Variants in CHSY3 observed in about 807,000 individuals in gnomAD.
The protein encoded by CHSY3 is chondroitin sulfate synthase 3, also known as N-acetylgalactosaminyl-proteoglycan 3-beta-glucuronosyltransferase 3.
In CHSY3, 35 loss-of-function variants were observed where a neutral mutation model predicts 67.2. The ratio of observed to expected loss-of-function variants is 0.52; its 90% CI spans 0.40 to 0.69. The LOEUF (loss-of-function observed/expected upper bound fraction) is 0.69, where lower values mean the gene tolerates loss of function less well. CHSY3 is among the 30% of genes least tolerant of loss of function. The pLI is 0.00. For synonymous variants in CHSY3, 474 were observed against 434.7 expected (o/e 1.09, Z -1.12); for missense variants, 1,069 against 1,138.5 (o/e 0.94, Z 0.88).
intron 2 of CHSY3, among the ~76,000 whole-genome samples, chr5:130,160,641 C>G (rs1769503628): frequency 6.6e-6 from 1 of 152,132 alleles, no homozygotes; most frequent in African/African-American, 2.4e-5. Context: ...GTCTTTCTCC[C>G]CAATTAAATG....
chr5:129,968,674 T>G (rs1361382496), intron 2 of CHSY3, among the ~76,000 whole-genome samples: 1 of 151,808 alleles, frequency 6.6e-6, no homozygotes, highest in Non-Finnish European at 1.5e-5. Context: ...CAGAAGCAAA[T>G]GGGAACCAAC....
chr5:130,176,837 G>A (rs1484510004), intron 2 of CHSY3, among the ~76,000 whole-genome samples: 2 of 152,114 alleles, frequency 1.3e-5, no homozygotes. Context: ...ACCAGGGCCT[G>A]TTGAGGAGTG....
At chr5:130,036,125 T>A (rs1469426875) in intron 2 of CHSY3, among the ~76,000 whole-genome samples, 1 of 152,060 alleles carries the variant, frequency 6.6e-6, no homozygotes, top group East Asian at 1.9e-4. Context: ...AGCACTCTAG[T>A]GTAACATGAC....
At chr5:130,112,710 T>C (rs1206316280) in intron 2 of CHSY3, among the ~76,000 whole-genome samples, 1 of 152,134 alleles carries the variant, frequency 6.6e-6, no homozygotes, top group Non-Finnish European at 1.5e-5. Context: ...CTTAAGTTGA[T>C]GAATCTGTGT....
At chr5:129,952,693 C>G (rs1762056789) in intron 2 of CHSY3, among the ~76,000 whole-genome samples, 1 of 152,086 alleles carries the variant, frequency 6.6e-6, no homozygotes, top group South Asian at 2.1e-4. Context: ...TATTAGATGT[C>G]TTTTGCATCC....
Position 130,065,888 on chromosome 5 carries a change from C to A in CHSY3, c.1087-118341C>A, listed in dbSNP as rs76009935. 6.6e-5 allele frequency among the ~76,000 whole-genome samples: 10 copies of A among 152,214 alleles called. No individual in the cohort carries two copies. The East Asian group carries it at 1.7e-3, about 27-fold the overall frequency. ...CCCTGTCGTATTGGTTCAGGGCCTA[C>A]AAGTTTTTAAATTCTGAACAATGTC... On this transcript the variant is annotated intron_variant, in intron 2 of 2. Transcript: ENST00000305031.
chr5:130,182,419 A>T (rs976342434), intron 2 of CHSY3, among the ~76,000 whole-genome samples: 3 of 151,328 alleles, frequency 2.0e-5, no homozygotes, highest in African/African-American at 7.3e-5. Flanking sequence ...AATCTATTGA[A>T]TTTTTTTTCT....
chr5:130,152,170 A>C (rs865898436), intron 2 of CHSY3, among the ~76,000 whole-genome samples: 1 of 152,214 alleles, frequency 6.6e-6, no homozygotes, highest in Non-Finnish European at 1.5e-5. Flanking sequence ...CTTCACATGA[A>C]AGTTTAAAAG....
At chr5:130,183,882 T>TA (rs1370156217) in intron 2 of CHSY3, among the ~76,000 whole-genome samples, 13 of 151,820 alleles carry the variant, frequency 8.6e-5, no homozygotes, top group East Asian at 1.9e-4. Context: ...TTTAAAATGC[T>TA]AAAAAAAGAT....
At chr5:130,169,586 C>G (rs1199561103) in intron 2 of CHSY3, among the ~76,000 whole-genome samples, 1 of 151,734 alleles carries the variant, frequency 6.6e-6, no homozygotes, top group Non-Finnish European at 1.5e-5. Context: ...TTTTAATGCT[C>G]TCTAACATTA....
intron 2 of CHSY3, among the ~76,000 whole-genome samples, chr5:130,018,122 T>C (rs1243134074): frequency 6.6e-6 from 1 of 152,196 alleles, no homozygotes; most frequent in African/African-American, 2.4e-5. Flanking sequence ...CTATTTTGTT[T>C]TTCTCTTTAA....
intron 2 of CHSY3, among the ~76,000 whole-genome samples, chr5:130,139,560 G>T (rs575708072): frequency 6.6e-6 from 1 of 152,324 alleles, no homozygotes; most frequent in South Asian, 2.1e-4. Flanking sequence ...TTAAGTTAAA[G>T]TTCTTTTCTT....
chr5:129,973,676 G>T (rs1169911162), intron 2 of CHSY3, among the ~76,000 whole-genome samples: 2 of 151,974 alleles, frequency 1.3e-5, no homozygotes, highest in African/African-American at 2.4e-5. Context: ...TTGATTAAAG[G>T]CCTCATTACC....
At chr5:130,134,865 CAT>C (rs1475332246) in intron 2 of CHSY3, among the ~76,000 whole-genome samples, 2 of 146,816 alleles carry the variant, frequency 1.4e-5, no homozygotes, top group Admixed American at 7.0e-5. Flanking sequence ...TTTTATGCTT[CAT>C]ATGTCTAAAA....
At chr5:130,019,984 G>A (rs1764319355) in intron 2 of CHSY3, among the ~76,000 whole-genome samples, 2 of 152,106 alleles carry the variant, frequency 1.3e-5, no homozygotes, top group Non-Finnish European at 2.9e-5. Flanking sequence ...GCCCCAATTA[G>A]CTTTGTACTG....
At chr5:130,063,973 A>G (rs1259309675) in intron 2 of CHSY3, among the ~76,000 whole-genome samples, 2 of 152,124 alleles carry the variant, frequency 1.3e-5, no homozygotes, top group Non-Finnish European at 2.9e-5. Context: ...TAATTAGTGA[A>G]GATTATACTG....
intron 2 of CHSY3, among the ~76,000 whole-genome samples, chr5:129,911,283 A>G (rs1449380949): frequency 1.3e-5 from 2 of 152,134 alleles, no homozygotes; most frequent in Non-Finnish European, 2.9e-5. Flanking sequence ...CTGTGTTTGT[A>G]TATACTATTA....
chr5:130,178,841 T>C (rs1193377492), intron 2 of CHSY3, among the ~76,000 whole-genome samples: 1 of 152,244 alleles, frequency 6.6e-6, no homozygotes, highest in Non-Finnish European at 1.5e-5. Flanking sequence ...GGGTCAGTTG[T>C]CTGGCTGCAC....
In CHSY3 at chr5:129,904,680, C is replaced by T; in HGVS notation, c.-150C>T. 8.5e-7 allele frequency: 1 copy of T among 1,170,466 alleles called. No homozygotes were observed. Among genetic ancestry groups the T allele is most frequent in the Non-Finnish European group, 1.1e-6 (1 of 938,218 alleles). 72.5% of individuals were successfully genotyped at this position (1,170,466 alleles called of 1,614,324 possible). On this transcript the variant is annotated 5_prime_UTR_variant, in exon 1 of 3. Transcript: ENST00000305031. ...CCCGCGGCAGTCGAGGCGTCCGCGG[C>T]GCTTCGACCTCCAGCCGGTGTCGGC...
Sources: gnomAD v4.1 joint callset for allele counts (sites outside exome capture counted in the v4.1 genomes callset) on GRCh38, gnomAD v4.1.1 for gene constraint, MANE v1.5 for transcripts, NCBI Gene and HGNC (gene_info 2026-07-23, HGNC 2026-07-21) for gene names.